Variants in ADCY2 observed in about 807,000 individuals in gnomAD.
ADCY2 encodes adenylate cyclase type 2.
In ADCY2, 31 loss-of-function variants were observed where a neutral mutation model predicts 125.2. The observed-to-expected ratio is 0.25, with a 90% CI of 0.19 to 0.33. The LOEUF is 0.33. Among genes scored for constraint, ADCY2 ranks in the 10% least tolerant of loss-of-function variants. ADCY2 has a pLI of 1.00. For synonymous variants in ADCY2, 512 were observed against 548.4 expected (o/e 0.93, Z 0.93); for missense variants, 904 against 1,418.2 (o/e 0.64, Z 5.82).
intron 16 of ADCY2, among the ~76,000 whole-genome samples, chr5:7,762,782 A>G (rs953104232): frequency 6.6e-6 from 1 of 150,996 alleles, no homozygotes; most frequent in African/African-American, 2.4e-5. Context: ...CCCAAGTAGT[A>G]TTTCTATTTC....
intron 17 of ADCY2, among the ~76,000 whole-genome samples, chr5:7,771,462 C>A (rs892361263): frequency 6.6e-6 from 1 of 152,172 alleles, no homozygotes; most frequent in Non-Finnish European, 1.5e-5. Context: ...GACTTTAACT[C>A]CCTGAAGAGT....
In ADCY2 at chr5:7,829,051, T is replaced by C. The variant is rs16879204; in HGVS notation, c.*2180T>C. The C allele has an allele frequency of 0.56, 85,368 of 152,304 alleles. 24,261 individuals are homozygous for C. Among genetic ancestry groups the C allele is most frequent in the Admixed American group, 0.63 (9,612 of 15,290 alleles). The allele number at this position is 152,304 out of a possible 1,614,324, so 9.4% of individuals were successfully genotyped here. A position where few individuals can be genotyped will look rare whatever the true frequency, so the allele number is the denominator to read the frequency against. ...ACCAAACAATAGGCTTTTAAAAGCA[T>C]TGAGTCATTGTCAGAATCCACTATG... On this transcript the variant is annotated 3_prime_UTR_variant, in exon 25 of 25. Coordinates refer to ENST00000338316, the MANE Select transcript of ADCY2 (RefSeq NM_020546.3).
chr5:7,661,587 C>T (rs754935124), intron 4 of ADCY2, among the ~76,000 whole-genome samples: 5 of 152,164 alleles, frequency 3.3e-5, no homozygotes, highest in Non-Finnish European at 5.9e-5. Context: ...TTTTAATGGT[C>T]GAATAAATGA....
chr5:7,729,635 A>G (rs901693507), intron 14 of ADCY2, among the ~76,000 whole-genome samples: 12 of 151,112 alleles, frequency 7.9e-5, no homozygotes, highest in Non-Finnish European at 1.6e-4. Context: ...ACTTTATTAG[A>G]AAGTAAAGAA....
At chr5:7,599,271 G>T (rs965397584) in intron 3 of ADCY2, among the ~76,000 whole-genome samples, 3 of 152,184 alleles carry the variant, frequency 2.0e-5, no homozygotes, top group Non-Finnish European at 2.9e-5. Flanking sequence ...ATCCAGAGTT[G>T]ATTGAGAAAT....
At chr5:7,728,327 G>T (rs988347769) in intron 14 of ADCY2, among the ~76,000 whole-genome samples, 3 of 152,172 alleles carry the variant, frequency 2.0e-5, no homozygotes, top group Non-Finnish European at 4.4e-5. Flanking sequence ...TGGGATACAA[G>T]TGGTTTTTGA....
chr5:7,723,043 A>G (rs947338604), intron 12 of ADCY2, among the ~76,000 whole-genome samples: 1 of 151,468 alleles, frequency 6.6e-6, no homozygotes, highest in Non-Finnish European at 1.5e-5. Flanking sequence ...CAGCAAACAC[A>G]GGAATAGAAA....
At chr5:7,443,572 A>G (rs926547824) in intron 2 of ADCY2, among the ~76,000 whole-genome samples, 6 of 130,744 alleles carry the variant, frequency 4.6e-5, no homozygotes, top group African/African-American at 8.6e-5. Context: ...CCCAGGAGGC[A>G]GAGCTTGCAG....
chr5:7,525,363 C>A (rs535571490), intron 3 of ADCY2, among the ~76,000 whole-genome samples: 35 of 152,290 alleles, frequency 2.3e-4, no homozygotes, highest in South Asian at 1.0e-3. Flanking sequence ...GTGGGCGCCT[C>A]TTCAAGCTGG....
At chr5:7,796,575 G>T (rs144369178) in intron 20 of ADCY2, 1 of 152,230 alleles carries the variant, frequency 6.6e-6, no homozygotes, top group South Asian at 2.1e-4. Context: ...GCCTATGCTC[G>T]GGCTCATGGG....
intron 24 of ADCY2, among the ~76,000 whole-genome samples, chr5:7,824,972 C>G (rs1745419791): frequency 6.6e-6 from 1 of 152,240 alleles, no homozygotes; most frequent in African/African-American, 2.4e-5. Context: ...ACCTTTGCAC[C>G]TTCCCCGGGA....
At chr5:7,474,143 A>G (rs890849338) in intron 2 of ADCY2, among the ~76,000 whole-genome samples, 3 of 152,200 alleles carry the variant, frequency 2.0e-5, no homozygotes, top group Non-Finnish European at 2.9e-5. Flanking sequence ...GCTTGGAGCA[A>G]TGCTCTTTAC....
chr5:7,758,085 C>G (rs1180559286), intron 16 of ADCY2, among the ~76,000 whole-genome samples: 2 of 152,144 alleles, frequency 1.3e-5, no homozygotes, highest in Non-Finnish European at 2.9e-5. Flanking sequence ...CCCCTTGCTC[C>G]CCGTCTCACC....
intron 19 of ADCY2, among the ~76,000 whole-genome samples, chr5:7,788,937 C>A (rs549282405): frequency 6.6e-6 from 1 of 152,230 alleles, no homozygotes; most frequent in East Asian, 1.9e-4. Flanking sequence ...ATGCCAAGAC[C>A]CAAAAGACTC....
chr5:7,628,095 G>A (rs962391526), intron 4 of ADCY2, among the ~76,000 whole-genome samples: 6 of 152,232 alleles, frequency 3.9e-5, no homozygotes, highest in Middle Eastern at 3.4e-3. Flanking sequence ...TTACATCTGT[G>A]TTCTAGAAAA....
At chr5:7,677,657 G>A (rs891007347) in intron 4 of ADCY2, among the ~76,000 whole-genome samples, 1 of 152,166 alleles carries the variant, frequency 6.6e-6, no homozygotes, top group African/African-American at 2.4e-5. Flanking sequence ...TGTCACTGGG[G>A]CCAGCTTGTA....
intron 3 of ADCY2, among the ~76,000 whole-genome samples, chr5:7,560,704 T>TC (rs566440568): frequency 4.3e-4 from 66 of 152,258 alleles, no homozygotes; most frequent in African/African-American, 1.5e-3. Context: ...AGGTTTTTTT[T>TC]TTGAGACAGA....
At chr5:7,665,138 C>T (rs1459676159) in intron 4 of ADCY2, among the ~76,000 whole-genome samples, 2 of 152,168 alleles carry the variant, frequency 1.3e-5, no homozygotes, top group Non-Finnish European at 2.9e-5. Flanking sequence ...CTCCTGAGGG[C>T]TATGTCACAG....
chr5:7,699,081 A>ATTTTTTTTG (rs1740991191), intron 7 of ADCY2, among the ~76,000 whole-genome samples: 1 of 37,964 alleles, frequency 2.6e-5, no homozygotes, highest in Non-Finnish European at 4.7e-5. Context: ...AACAGTAAGC[A>ATTTTTTTTG]TTTTTTTTTT....
Sources: allele counts gnomAD v4.1 joint callset (sites outside exome capture counted in the v4.1 genomes callset), GRCh38; gene constraint gnomAD v4.1.1; transcripts MANE v1.5; gene names NCBI Gene and HGNC (gene_info 2026-07-23, HGNC 2026-07-21).